Variants in EDA observed in about 807,000 individuals in gnomAD.
EDA encodes ectodysplasin A.
In EDA, 2 loss-of-function variants were observed where a neutral mutation model predicts 23.6. The observed-to-expected ratio is 0.08, with a 90% CI of 0.03 to 0.27. The LOEUF is 0.27. EDA is among the 10% of genes least tolerant of loss of function. The pLI is 1.00. For missense variants in EDA, 229 were observed against 324.2 expected (o/e 0.71, Z 2.26); for synonymous variants, 131 against 132.0 (o/e 0.99, Z 0.05).
At chrX:69,821,384 G>C (rs1365062108) in intron 1 of EDA, among the ~76,000 whole-genome samples, 2 of 110,076 alleles carry the variant, frequency 1.8e-5, no homozygotes. Context: ...TCCTGCACAT[G>C]TGCCCCTAAA....
intron 1 of EDA, among the ~76,000 whole-genome samples, chrX:69,875,778 C>T (rs962867843): frequency 1.8e-5 from 2 of 110,527 alleles, no homozygotes; most frequent in African/African-American, 3.3e-5. Flanking sequence ...AGAACTCAAA[C>T]ACATCAGCCC....
chrX:69,728,312 T>C (rs192299036), intron 1 of EDA, among the ~76,000 whole-genome samples: 124 of 109,839 alleles, frequency 1.1e-3, no homozygotes, highest in African/African-American at 3.9e-3. Flanking sequence ...TATGGTAAGG[T>C]GAATGTTGTA....
At position 69,787,987 on chromosome X, in the gene EDA, A is replaced by G. The variant is rs1238885500; in HGVS notation, c.397-169040A>G. ...CCCATATTTCTTGGAGGCTTTGTTC[A>G]TTTCTTTTTATTCTTTTTTCTCTAT... On this transcript the variant is annotated intron_variant, in intron 1 of 7. Transcript: ENST00000374552. Among the ~76,000 whole-genome samples, 11 of 110,847 alleles carry G rather than the reference A, an allele frequency of 9.9e-5. No individual in the cohort carries two copies. In the East Asian group the frequency reaches 1.7e-3, roughly 17 times the overall value.
At chrX:69,684,359 C>CT (rs199823625) in intron 1 of EDA, among the ~76,000 whole-genome samples, 1,705 of 110,918 alleles carry the variant, frequency 0.015, 30 homozygotes, top group African/African-American at 0.054. Flanking sequence ...TTAAATAAGT[C>CT]TTGAGGGCAT....
chrX:69,640,132 T>C (rs1210990318), intron 1 of EDA, among the ~76,000 whole-genome samples: 2 of 111,786 alleles, frequency 1.8e-5, no homozygotes, highest in Non-Finnish European at 3.8e-5. Flanking sequence ...TTGGCTTTGT[T>C]ACTTAGTGGG....
intron 1 of EDA, among the ~76,000 whole-genome samples, chrX:69,685,306 T>G (rs1197956419): frequency 8.9e-6 from 1 of 112,423 alleles, no homozygotes; most frequent in Non-Finnish European, 1.9e-5. Context: ...TTGTTCTCCC[T>G]TGGAGCCAGT....
intron 1 of EDA, among the ~76,000 whole-genome samples, chrX:69,694,584 A>G (rs748884877): frequency 9.3e-4 from 104 of 112,176 alleles, no homozygotes; most frequent in African/African-American, 3.3e-3. Flanking sequence ...GGAAAGTACC[A>G]GAGTAAACAA....
intron 1 of EDA, among the ~76,000 whole-genome samples, chrX:69,809,917 T>TA (rs1234531505): frequency 1.8e-5 from 2 of 110,404 alleles, no homozygotes; most frequent in Non-Finnish European, 3.8e-5. Flanking sequence ...TCCAATTGGG[T>TA]AAAAAAAATC....
intron 1 of EDA, among the ~76,000 whole-genome samples, chrX:69,839,176 A>C (rs779835535): frequency 2.0e-4 from 22 of 112,086 alleles, no homozygotes; most frequent in Non-Finnish European, 3.9e-4. Flanking sequence ...TTGTTTATAG[A>C]GATTAGGTCC....
chrX:69,715,388 A>G (rs1230184658), intron 1 of EDA, among the ~76,000 whole-genome samples: 3 of 111,131 alleles, frequency 2.7e-5, no homozygotes, highest in Non-Finnish European at 5.7e-5. Flanking sequence ...AATGGCCTCA[A>G]GCTCCATCCA....
At chrX:69,881,098 G>A (rs1001629281) in intron 1 of EDA, among the ~76,000 whole-genome samples, 1 of 111,837 alleles carries the variant, frequency 8.9e-6, no homozygotes, top group Non-Finnish European at 1.9e-5. Context: ...CATACCCCAC[G>A]AAGTGCCTTG....
At chrX:69,832,331 A>G (rs1157004299) in intron 1 of EDA, among the ~76,000 whole-genome samples, 3 of 111,619 alleles carry the variant, frequency 2.7e-5, no homozygotes, top group Non-Finnish European at 5.6e-5. Flanking sequence ...CAAATTGTCA[A>G]AGATCAGATG....
intron 1 of EDA, among the ~76,000 whole-genome samples, chrX:69,798,835 A>C (rs186577151): frequency 7.3e-4 from 82 of 111,609 alleles, no homozygotes; most frequent in Non-Finnish European, 1.4e-3. Context: ...AATAAATAAA[A>C]AGATGGAAAA....
At chrX:69,888,297 A>C (rs973944366) in intron 1 of EDA, among the ~76,000 whole-genome samples, 1 of 111,028 alleles carries the variant, frequency 9.0e-6, no homozygotes. Context: ...TAGTAAATAC[A>C]CAAAAGATAA....
At chrX:69,626,407 A>G (rs757204727) in intron 1 of EDA, among the ~76,000 whole-genome samples, 2 of 112,034 alleles carry the variant, frequency 1.8e-5, no homozygotes, top group African/African-American at 6.5e-5. Flanking sequence ...AACAGCTCCA[A>G]TGTCTGATGT....
intron 1 of EDA, among the ~76,000 whole-genome samples, chrX:69,790,956 G>A (rs1602412833): frequency 9.0e-6 from 1 of 110,928 alleles, no homozygotes; most frequent in Non-Finnish European, 1.9e-5. Context: ...ACAGTGCTTT[G>A]GTTTTCATTT....
At chrX:70,022,990 A>AT (rs2020057539) in intron 2 of EDA, 1 of 288,411 alleles carries the variant, frequency 3.5e-6, no homozygotes, top group African/African-American at 2.7e-5. Flanking sequence ...AAGTAGAGAG[A>AT]TTTTTCTCCC....
At chrX:69,981,577 G>T (rs2019408347) in intron 2 of EDA, among the ~76,000 whole-genome samples, 1 of 111,236 alleles carries the variant, frequency 9.0e-6, no homozygotes, top group African/African-American at 3.3e-5. Flanking sequence ...CAAGAAGCAG[G>T]AAACAACCAC....
chrX:69,674,102 CCTATCTATCTATCTATCTATCTAT>C lies in EDA; in HGVS notation c.396+57420_396+57443del, dbSNP rs201928323. Among the ~76,000 whole-genome samples the C allele has an allele frequency of 1.7e-4, 18 of 105,568 alleles. No individual in the cohort carries two copies. In the Admixed American group the frequency reaches 1.8e-3, roughly 11 times the overall value. The allele number at this position is 105,568 out of a possible 115,157, so 91.7% of individuals were successfully genotyped here. ...TTATTGAACAATATTGTAGGAAAAG[CCTATCTATCTATCTATCTATCTAT>C]CTATCTATCTATCTATCTATCATCA... On this transcript the variant is annotated intron_variant, in intron 1 of 7. Coordinates refer to ENST00000374552, the MANE Select transcript of EDA (RefSeq NM_001399.5).
Sources: allele counts gnomAD v4.1 joint callset (sites outside exome capture counted in the v4.1 genomes callset), GRCh38; gene constraint gnomAD v4.1.1; transcripts MANE v1.5; gene names NCBI Gene and HGNC (gene_info 2026-07-23, HGNC 2026-07-21).